Variants in ARK2N observed in about 807,000 individuals in gnomAD.
ARK2N encodes the protein protein ARK2N.
the ARK2N span, among the ~76,000 whole-genome samples, chr18:46,222,833 A>G: frequency 1.3e-5 from 2 of 152,168 alleles, no homozygotes; most frequent in Admixed American, 6.5e-5. Context: ...CCTGCACTAG[A>G]ATGGACATTT....
the ARK2N span, among the ~76,000 whole-genome samples, chr18:46,195,380 C>T: frequency 6.8e-6 from 1 of 147,446 alleles, no homozygotes; most frequent in East Asian, 2.0e-4. Flanking sequence ...GCAATCCTGC[C>T]TCAGTCTCCC....
At chr18:46,230,365 A>C in the ARK2N span, among the ~76,000 whole-genome samples, 4 of 152,214 alleles carry the variant, frequency 2.6e-5, no homozygotes, top group African/African-American at 7.2e-5. Context: ...TTTGGATTAC[A>C]TGACGGCATT....
At chr18:46,193,251 T>C in the ARK2N span, among the ~76,000 whole-genome samples, 10 of 152,262 alleles carry the variant, frequency 6.6e-5, no homozygotes, top group East Asian at 1.7e-3. Context: ...ACCTACAGCA[T>C]TGGCAGTATT....
At chr18:46,216,871 C>T in the ARK2N span, 1 of 357,158 alleles carries the variant, frequency 2.8e-6, no homozygotes, top group Non-Finnish European at 5.2e-6. This position sits in a 1 kb window ranked among gnomAD's most constrained non-coding sequence, Gnocchi z 4.3. Context: ...CTGTCTGTAA[C>T]ACATTACCTG....
chr18:46,189,956 G>A, the ARK2N span, among the ~76,000 whole-genome samples: 1 of 150,940 alleles, frequency 6.6e-6, no homozygotes, highest in East Asian at 2.0e-4. Context: ...TTTATGTTTG[G>A]TTGAAGAAGG....
chr18:46,181,442 A>G, the ARK2N span, among the ~76,000 whole-genome samples: 2 of 151,040 alleles, frequency 1.3e-5, no homozygotes, highest in African/African-American at 2.5e-5. Flanking sequence ...TGTGCCAGGC[A>G]TGGTGGCTTA....
the ARK2N span, among the ~76,000 whole-genome samples, chr18:46,197,526 G>T: frequency 6.6e-6 from 1 of 152,108 alleles, no homozygotes; most frequent in African/African-American, 2.4e-5. Context: ...GAGCCACCAC[G>T]CCTAGCCAAA....
the ARK2N span, chr18:46,263,218 T>C: frequency 1.4e-5 from 18 of 1,242,594 alleles, no homozygotes; most frequent in Non-Finnish European, 1.9e-5. Context: ...CAGAAGCTGT[T>C]TGTGGCATTT....
the ARK2N span, among the ~76,000 whole-genome samples, chr18:46,189,258 G>T: frequency 6.7e-6 from 1 of 149,706 alleles, no homozygotes; most frequent in Admixed American, 6.7e-5. Context: ...ATTCTAATTG[G>T]AAGGAAACAC....
the ARK2N span, among the ~76,000 whole-genome samples, chr18:46,252,736 A>C: frequency 6.6e-6 from 1 of 152,172 alleles, no homozygotes; most frequent in Non-Finnish European, 1.5e-5. Flanking sequence ...GTTAACTCCT[A>C]GGTATTCTAA....
At chr18:46,222,783 C>G in the ARK2N span, among the ~76,000 whole-genome samples, 11 of 152,202 alleles carry the variant, frequency 7.2e-5, no homozygotes, top group South Asian at 2.1e-4. Flanking sequence ...CCATGTACCC[C>G]CTTCTCCCAC....
chr18:46,226,051 A>G, the ARK2N span, among the ~76,000 whole-genome samples: 1 of 152,140 alleles, frequency 6.6e-6, no homozygotes, highest in South Asian at 2.1e-4. Context: ...TTCTGCTTCT[A>G]ATTGGGGGAC....
the ARK2N span, chr18:46,265,662 G>A: frequency 2.0e-5 from 3 of 152,482 alleles, no homozygotes; most frequent in Non-Finnish European, 4.4e-5. Context: ...ACTATAGAGA[G>A]ACTGTGTTTC....
chr18:46,191,349 ATT>A, the ARK2N span, among the ~76,000 whole-genome samples: 5 of 145,350 alleles, frequency 3.4e-5, no homozygotes, highest in African/African-American at 5.0e-5. Context: ...TGTTTATTTA[ATT>A]TTTTTTTTTT....
the ARK2N span, among the ~76,000 whole-genome samples, chr18:46,204,533 G>A: frequency 2.0e-5 from 3 of 152,128 alleles, no homozygotes; most frequent in Non-Finnish European, 2.9e-5. Context: ...AAGCAACATG[G>A]AATTCATGAA....
the ARK2N span, among the ~76,000 whole-genome samples, chr18:46,211,910 G>C: frequency 2.0e-5 from 3 of 152,066 alleles, no homozygotes; most frequent in Non-Finnish European, 2.9e-5. Context: ...CTAGCTACTT[G>C]ACTGTTCCTA....
At chr18:46,200,524 G>T in the ARK2N span, among the ~76,000 whole-genome samples, 2,653 of 152,050 alleles carry the variant, frequency 0.017, 72 homozygotes, top group African/African-American at 0.06. Context: ...GCCAGGCTGG[G>T]CTCAAACTCC....
chr18:46,256,408 C>T, the ARK2N span, among the ~76,000 whole-genome samples: 1 of 93,548 alleles, frequency 1.1e-5, no homozygotes, highest in Non-Finnish European at 2.4e-5. Context: ...AAATGTTTAT[C>T]TTCTTTTTTT....
At chr18:46,203,324 G>C in the ARK2N span, among the ~76,000 whole-genome samples, 7 of 152,146 alleles carry the variant, frequency 4.6e-5, no homozygotes. Flanking sequence ...ATAAGCTGCT[G>C]TTGCATACTG....
Sources: allele counts gnomAD v4.1 joint callset (sites outside exome capture counted in the v4.1 genomes callset), GRCh38; gene constraint gnomAD v4.1.1; non-coding constraint Gnocchi (gnomAD v3.1); transcripts MANE v1.5; gene names NCBI Gene and HGNC (gene_info 2026-07-23, HGNC 2026-07-21).